The following GRB10 variants were observed in gnomAD, a reference collection of about 807,000 sequenced individuals.
The protein encoded by GRB10 is growth factor receptor bound protein 10, also known as growth factor receptor-bound protein 10.
In GRB10, 20 loss-of-function variants were observed where a neutral mutation model predicts 80.9. The ratio of observed to expected loss-of-function variants is 0.25; its 90% confidence interval spans 0.17 to 0.36. GRB10 has a LOEUF of 0.36. Among genes scored for constraint, GRB10 ranks in the 10% least tolerant of loss-of-function variants. The pLI, the probability that GRB10 is intolerant of heterozygous loss-of-function variation, is 1.00. For synonymous variants in GRB10, 291 were observed against 291.5 expected, an observed-to-expected ratio of 1.00 and a Z score of 0.02; for missense variants, 548 against 747.7, an observed-to-expected ratio of 0.73 and a Z score of 3.12.
intron 7 of GRB10, among the ~76,000 whole-genome samples, chr7:50,661,804 C>T (rs1189596404): frequency 6.6e-6 from 1 of 152,188 alleles, no homozygotes; most frequent in Non-Finnish European, 1.5e-5. Flanking sequence ...GCATACCTGG[C>T]TTACCCACCC....
At chr7:50,611,428 G>A (rs770142854) in intron 13 of GRB10, among the ~76,000 whole-genome samples, 1 of 152,208 alleles carries the variant, frequency 6.6e-6, no homozygotes, top group Non-Finnish European at 1.5e-5. Context: ...TATGATCTAT[G>A]ATGTATTAAC....
chr7:50,751,853 C>T (rs1292940938), intron 3 of GRB10, among the ~76,000 whole-genome samples: 1 of 152,234 alleles, frequency 6.6e-6, no homozygotes. Flanking sequence ...TCACCTCAAA[C>T]ACTGAATTAG....
intron 7 of GRB10, among the ~76,000 whole-genome samples, chr7:50,634,696 T>C (rs1206628158): frequency 1.3e-5 from 2 of 151,936 alleles, no homozygotes; most frequent in Admixed American, 1.3e-4. Flanking sequence ...GGTGGAAAAA[T>C]ATATATCATG....
intron 6 of GRB10, among the ~76,000 whole-genome samples, chr7:50,672,869 T>C (rs906882914): frequency 6.6e-6 from 1 of 152,056 alleles, no homozygotes; most frequent in African/African-American, 2.4e-5. Flanking sequence ...AGGAGCTAAG[T>C]ACAAGGGGTC....
chr7:50,705,274 T>C (rs1326634910), intron 4 of GRB10: 2 of 985,650 alleles, frequency 2.0e-6, no homozygotes, highest in South Asian at 4.7e-5. Flanking sequence ...AGAAGGAGGA[T>C]GTTTGTTCCC....
rs1211315301 is a variant in GRB10, at chr7:50,674,474, C to T, written c.324G>A (p.Arg108=). The T allele has an allele frequency of 6.2e-7, 1 of 1,607,828 alleles. No homozygotes were observed. The highest frequency in any genetic ancestry group is 1.3e-5 in the African/African-American group (1 of 75,042). ...TGTGCACAGGCTGGGAGCGCTGCAC[C>T]CTCTGCCTCGGGGACACCTGTGGCT... ...SIQPQVSPRQ[R]VQRSQPVHIL... is the part of the protein sequence containing the mutation. The change falls in exon 6 of 19, where the codon AGG becomes AGA. Residue 108 remains arginine (R), a synonymous_variant. Coordinates refer to ENST00000401949, the MANE Select transcript of GRB10 (RefSeq NM_001350814.2).
chr7:50,754,863 A>G (rs922419389), intron 3 of GRB10, among the ~76,000 whole-genome samples: 1 of 152,166 alleles, frequency 6.6e-6, no homozygotes, highest in Non-Finnish European at 1.5e-5. Context: ...GCCTTTACAG[A>G]GGTCACTAAG....
At chr7:50,725,382 G>A (rs1490955271) in intron 4 of GRB10, among the ~76,000 whole-genome samples, 2 of 152,174 alleles carry the variant, frequency 1.3e-5, no homozygotes, top group Non-Finnish European at 2.9e-5. Context: ...ACAGGCTGCG[G>A]AACTATGAGT....
intron 3 of GRB10, among the ~76,000 whole-genome samples, chr7:50,742,250 AAC>A (rs1563674718): frequency 7.9e-5 from 5 of 62,992 alleles, no homozygotes; most frequent in Admixed American, 2.2e-4. Flanking sequence ...TCTATGTGTA[AAC>A]ACACGCGCAC....
At chr7:50,608,619 C>T (rs1324706035) in intron 13 of GRB10, among the ~76,000 whole-genome samples, 4 of 152,108 alleles carry the variant, frequency 2.6e-5, no homozygotes, top group African/African-American at 9.7e-5. Context: ...CTCATGCCTG[C>T]CTGAAAGCAG....
chr7:50,748,304 T>C (rs2073380442), intron 3 of GRB10, among the ~76,000 whole-genome samples: 1 of 152,264 alleles, frequency 6.6e-6, no homozygotes. Flanking sequence ...GTGTTAGAGA[T>C]GGACATCAGA....
chr7:50,745,570 A>G (rs1174441521), intron 3 of GRB10, among the ~76,000 whole-genome samples: 1 of 152,240 alleles, frequency 6.6e-6, no homozygotes, highest in African/African-American at 2.4e-5. Flanking sequence ...GCCAACGGGA[A>G]GGAAAAGCAA....
chr7:50,610,549 C>T (rs1468447033), intron 13 of GRB10, among the ~76,000 whole-genome samples: 2 of 152,146 alleles, frequency 1.3e-5, no homozygotes, highest in African/African-American at 4.8e-5. Flanking sequence ...CCAGGTGGCT[C>T]TAGGGAGGGC....
At chr7:50,653,448 AAG>A (rs2058240444) in intron 7 of GRB10, among the ~76,000 whole-genome samples, 1 of 152,234 alleles carries the variant, frequency 6.6e-6, no homozygotes, top group Admixed American at 6.5e-5. Flanking sequence ...TGGGACAGCC[AAG>A]AGAGTGGGGG....
At chr7:50,680,890 G>A (rs2061471098) in intron 5 of GRB10, among the ~76,000 whole-genome samples, 1 of 151,932 alleles carries the variant, frequency 6.6e-6, no homozygotes, top group Non-Finnish European at 1.5e-5. Flanking sequence ...CTGAGGGCAG[G>A]GGCATTGTCT....
intron 7 of GRB10, among the ~76,000 whole-genome samples, chr7:50,654,957 T>C (rs1383659911): frequency 6.6e-6 from 1 of 152,132 alleles, no homozygotes; most frequent in African/African-American, 2.4e-5. Context: ...CCTGTCCTTT[T>C]AGAAAAGGGA....
intron 7 of GRB10, among the ~76,000 whole-genome samples, chr7:50,652,284 C>G (rs1033462963): frequency 6.6e-6 from 1 of 152,168 alleles, no homozygotes; most frequent in Non-Finnish European, 1.5e-5. Context: ...GTACCTGAGA[C>G]CTGGTGGGCT....
chr7:50,682,481 G>A (rs539643992), intron 5 of GRB10, among the ~76,000 whole-genome samples: 4 of 152,300 alleles, frequency 2.6e-5, no homozygotes, highest in South Asian at 4.1e-4. Context: ...ATTGGTAACC[G>A]TATTTGAAAA....
In GRB10 at chr7:50,598,408, G is replaced by A. The variant is rs746168277; in HGVS notation, c.1545-2878C>T. Reference sequence around the variant, plus strand: ...TAAACACGGCCCAGGATGGACAGTGGCAAGAACCAGGTAAGTTCTTAAGAA... The same window carrying A: ...TAAACACGGCCCAGGATGGACAGTGACAAGAACCAGGTAAGTTCTTAAGAA... On this transcript the variant is annotated intron_variant, in intron 17 of 18. Coordinates refer to ENST00000401949, the MANE Select transcript of GRB10 (RefSeq NM_001350814.2). Among the ~76,000 whole-genome samples the A allele has an allele frequency of 3.8e-4, 58 of 152,158 alleles. 1 individual carries two copies. Among genetic ancestry groups the A allele is most frequent in the Non-Finnish European group, 7.5e-4 (51 of 68,030 alleles).
Sources: allele counts gnomAD v4.1 joint callset (sites outside exome capture counted in the v4.1 genomes callset), GRCh38; gene constraint gnomAD v4.1.1; transcripts MANE v1.5; gene names NCBI Gene and HGNC (gene_info 2026-07-23, HGNC 2026-07-21).